KCNH2: variants seen among roughly 807,000 people sequenced by gnomAD.
KCNH2 encodes the protein voltage-gated inwardly rectifying potassium channel KCNH2.
In KCNH2, 35 loss-of-function variants were observed where a neutral mutation model predicts 95.9. The ratio of observed to expected loss-of-function variants is 0.37; its 90% CI spans 0.28 to 0.48. KCNH2 has a LOEUF of 0.48. KCNH2 is among the 20% of genes least tolerant of loss of function. The pLI is 0.99. For synonymous variants in KCNH2, 786 were observed against 754.7 expected, an observed-to-expected ratio of 1.04 and a Z score of -0.68; for missense variants, 1,274 against 1,702.9, an observed-to-expected ratio of 0.75 and a Z score of 4.43.
chr7:150,974,001 G>GGT (rs1180141325), intron 2 of KCNH2, among the ~76,000 whole-genome samples: 4 of 152,222 alleles, frequency 2.6e-5, no homozygotes, highest in Non-Finnish European at 4.4e-5. Context: ...GGGCATTCAC[G>GGT]GTGTGGGAGC....
intron 2 of KCNH2, among the ~76,000 whole-genome samples, chr7:150,969,625 CCATT>C (rs1399945418): frequency 1.3e-5 from 2 of 152,216 alleles, no homozygotes; most frequent in African/African-American, 4.8e-5. Flanking sequence ...ACTGCCCACC[CCATT>C]CATTCATTCA....
Position 150,947,204 on chromosome 7 carries a change from G to A in KCNH2, c.3152+124C>T, listed in dbSNP as rs1584842472. ...GTGTGGCAGCCCCCAGCTGGGCTAG[G>A]AATGGAAGAAGGGGATCCAGCTGCT... On this transcript the variant is annotated intron_variant, in intron 13 of 14. Transcript: ENST00000262186. 3 of 1,131,144 alleles carry A rather than the reference G, an allele frequency of 2.7e-6. No individual in the cohort carries two copies. The East Asian group carries it at 7.8e-5, about 29-fold the overall frequency. The allele number at this position is 1,131,144 out of a possible 1,614,324, so 70.1% of individuals were successfully genotyped here.
At position 150,957,353 on chromosome 7, in the gene KCNH2, G is replaced by A. The variant is rs772689518; in HGVS notation, c.1066C>T (p.Arg356Cys). ...TTTATCTTAGGTGCTATGATCTCAC[G>A]GTCACTGGTGGGCGAAGCCAAGAAG... ...DPFLASPTSD[R>C]EIIAPKIKER... The change falls in exon 5 of 15, where the codon CGT (arginine) becomes TGT (cysteine). Residue 356 changes from arginine to cysteine, a missense_variant. Coordinates refer to ENST00000262186, the MANE Select transcript of KCNH2 (RefSeq NM_000238.4). 1.4e-5 allele frequency: 23 copies of A among 1,612,516 alleles called. No individual in the cohort carries two copies. The highest frequency in any genetic ancestry group is 8.8e-5 in the South Asian group (8 of 90,752).
intron 2 of KCNH2, among the ~76,000 whole-genome samples, chr7:150,971,268 G>A (rs1431351812): frequency 6.6e-6 from 1 of 152,160 alleles, no homozygotes; most frequent in African/African-American, 2.4e-5. Context: ...TTCCAAGGCC[G>A]GGGACAGACC....
rs772037564 is a variant in KCNH2 at position 150,958,278 on chromosome 7, C to T, written c.697G>A (p.Ala233Thr). The part of the protein sequence containing the change: ...AGLGPAEERR[A>T]LVGPGSPPRS... ...GGCGGAGAGCCGGGACCCACCAGCG[C>T]ACGCCGCTCCTCCGCGGGCCCGAGC... Residue 233 changes from alanine to threonine, a missense_variant, in exon 4 of 15, where the codon GCG becomes ACG. Transcript: ENST00000262186. 8.9e-6 allele frequency: 13 copies of T among 1,457,292 alleles called. 1 individual carries two copies. Among genetic ancestry groups the T allele is most frequent in the African/African-American group, 1.5e-5 (1 of 67,976 alleles). The allele number at this position is 1,457,292 out of a possible 1,614,324, so 90.3% of individuals were successfully genotyped here. A position where few individuals can be genotyped will look rare whatever the true frequency, so the allele number is the denominator to read the frequency against.
chr7:150,946,977 G>A lies in KCNH2; in HGVS notation c.3230C>T (p.Ala1077Val). ...LQRQMTLVPPAYSAVTTPGPG... is the reference protein window; with the variant it reads ...LQRQMTLVPPVYSAVTTPGPG... ...CCCCGGGGTGGTCACAGCACTGTAGGCGGGCGGGACCAGCGTCATCTGCCT... is the reference window on the plus strand; with the variant it reads ...CCCCGGGGTGGTCACAGCACTGTAGACGGGCGGGACCAGCGTCATCTGCCT... The change falls in exon 14 of 15, where the codon GCC (alanine) becomes GTC (valine). Residue 1077 changes from alanine to valine, a missense_variant. Physicochemically the swap from Ala to Val is moderately conservative, Grantham distance 64. This residue lies in a region of KCNH2 where 457 missense variants were observed against 416.1 expected (regional missense o/e 1.10). Coordinates refer to ENST00000262186, the MANE Select transcript of KCNH2 (RefSeq NM_000238.4). The surrounding 1 kb of genome is among the most constrained non-coding windows in gnomAD (Gnocchi z 6.5). 1.9e-6 allele frequency: 3 copies of A among 1,610,316 alleles called. No homozygotes were observed. Among genetic ancestry groups the A allele is most frequent in the Non-Finnish European group, 2.5e-6 (3 of 1,177,382 alleles).
At chr7:150,950,147 T>TGGGGGG in intron 9 of KCNH2, 21 bp downstream of exon 9, 32 of 842,742 alleles carry the variant, frequency 3.8e-5, no homozygotes, top group Non-Finnish European at 4.6e-5. Context: ...TCCAGTCCAG[T>TGGGGGG]GCCCGCCCCC....
At position 150,961,130 on chromosome 7, in the gene KCNH2, C is replaced by T. The variant is rs189039336; in HGVS notation, c.308-1394G>A. Among the ~76,000 whole-genome samples, 18 of 152,228 alleles carry T rather than the reference C, an allele frequency of 1.2e-4. No individual in the cohort carries two copies. Among genetic ancestry groups the T allele is most frequent in the African/African-American group, 4.3e-4 (18 of 41,510 alleles). On this transcript the variant is annotated intron_variant, in intron 2 of 14. Transcript: ENST00000262186. This position sits in a 1 kb window ranked among gnomAD's most constrained non-coding sequence, Gnocchi z 6.2. ...CTGTCTTCTCTGCCTCCCAGTGTCTCCCGTCCCCACGTTAGTGCCTAGCAC... is the reference window on the plus strand; with the variant it reads ...CTGTCTTCTCTGCCTCCCAGTGTCTTCCGTCCCCACGTTAGTGCCTAGCAC...
chr7:150,951,322 G>T, intron 7 of KCNH2, 126 bp downstream of exon 7: 2 of 1,256,290 alleles, frequency 1.6e-6, no homozygotes, highest in South Asian at 1.2e-5. Context: ...ACCATGTCAC[G>T]ATGGTGGCCC....
chr7:150,949,022 A>G lies in KCNH2; in HGVS notation c.2426T>C (p.Leu809Pro). 1 of 1,614,220 alleles carries G rather than the reference A, an allele frequency of 6.2e-7. No homozygotes were observed. Among genetic ancestry groups the G allele is most frequent in the Non-Finnish European group, 8.5e-7 (1 of 1,180,026 alleles). Residue 809 changes from leucine (L) to proline (P), a missense_variant, in exon 10 of 15, where the codon CTG becomes CCG. Transcript: ENST00000262186. ...CTTGCCAGGCCTTGCATACAGGTTC[A>G]GAGGCTCCCCAAAGATGTCATTCTT... ...LGKNDIFGEP[L>P]NLYARPGKSN...
At chr7:150,955,490 G>C in intron 5 of KCNH2, 1 of 1,548,820 alleles carries the variant, frequency 6.5e-7, no homozygotes, top group Non-Finnish European at 8.7e-7. Flanking sequence ...CGCCTTCCCG[G>C]CTGGGGCCGC....
At chr7:150,974,178 C>G (rs1031574548) in intron 2 of KCNH2, among the ~76,000 whole-genome samples, 7 of 152,050 alleles carry the variant, frequency 4.6e-5, no homozygotes, top group African/African-American at 1.7e-4. Flanking sequence ...CGCACCTCCC[C>G]CAGGTGCTGC....
At chr7:150,955,256 G>T in intron 5 of KCNH2, 1 of 861,822 alleles carries the variant, frequency 1.2e-6, no homozygotes, top group Non-Finnish European at 1.9e-6. Flanking sequence ...GCGCGGGTGA[G>T]CAGGGCCAGG....
At position 150,959,625 on chromosome 7, in the gene KCNH2, G is replaced by A; in HGVS notation, c.419C>T (p.Ser140Phe). 3 of 1,614,110 alleles carry A rather than the reference G, an allele frequency of 1.9e-6. No homozygotes were observed. The highest frequency in any genetic ancestry group is 1.7e-6 in the Non-Finnish European group (2 of 1,180,012). ...CCGGTGGTTGGTGTCATGAGCCGGG[G>A]ACCCCACCATGTCCTTCTCCATCAC... Reference protein sequence around the residue: ...EVVMEKDMVGSPAHDTNHRGP... With the variant: ...EVVMEKDMVGFPAHDTNHRGP... The change falls in exon 3 of 15, where the codon TCC becomes TTC. Residue 140 changes from serine (S) to phenylalanine (F), a missense_variant. Transcript: ENST00000262186.
chr7:150,953,599 ACT>A (rs1297230008), intron 5 of KCNH2, among the ~76,000 whole-genome samples: 1 of 151,818 alleles, frequency 6.6e-6, no homozygotes, highest in African/African-American at 2.4e-5. Flanking sequence ...TCACACTCAC[ACT>A]CTGCCTCCTC....
Position 150,946,811 on chromosome 7 carries a change from A to G in KCNH2, c.3330+66T>C, listed in dbSNP as rs1374034306. On this transcript the variant is annotated intron_variant, in intron 14 of 14. Coordinates refer to ENST00000262186, the MANE Select transcript of KCNH2 (RefSeq NM_000238.4). The surrounding 1 kb of genome is among the most constrained non-coding windows in gnomAD (Gnocchi z 6.5). ...GAGCCCAGCAGAAAGGCAGCAAAGCAGGTTTGGGCTGGAATCGGGGAACAA... is the reference window on the plus strand; with the variant it reads ...GAGCCCAGCAGAAAGGCAGCAAAGCGGGTTTGGGCTGGAATCGGGGAACAA... 4 of 1,440,574 alleles carry G rather than the reference A, an allele frequency of 2.8e-6. No individual in the cohort carries two copies. The African/African-American group carries it at 5.6e-5, about 20-fold the overall frequency. The allele number at this position is 1,440,574 out of a possible 1,614,324, so 89.2% of individuals were successfully genotyped here. A position where few individuals can be genotyped will look rare whatever the true frequency, so the allele number is the denominator to read the frequency against.
Position 150,946,838 on chromosome 7 carries a change from C to G in KCNH2, c.3330+39G>C, listed in dbSNP as rs569278564. 1 of 1,558,780 alleles carries G rather than the reference C, an allele frequency of 6.4e-7. No individual in the cohort carries two copies. The stretch of plus-strand genomic sequence containing the variant: ...GTTTGGGCTGGAATCGGGGAACAAG[C>G]GGGTCACGGTACATCGAGGAAGCAG... On this transcript the variant is annotated intron_variant, in intron 14 of 14. Transcript: ENST00000262186. This position sits in a 1 kb window ranked among gnomAD's most constrained non-coding sequence, Gnocchi z 6.5.
intron 9 of KCNH2, 188 bp downstream of exon 9, chr7:150,949,980 C>T (rs976220044): frequency 5.2e-6 from 8 of 1,549,606 alleles, no homozygotes; most frequent in Non-Finnish European, 7.0e-6. Flanking sequence ...GTTCAGCAGC[C>T]TCACCCCACG....
At chr7:150,970,211 A>G in intron 2 of KCNH2, among the ~76,000 whole-genome samples, 1 of 151,926 alleles carries the variant, frequency 6.6e-6, no homozygotes, top group Middle Eastern at 3.2e-3. Flanking sequence ...AACCTCCAAA[A>G]TCACCCCACC....
Sources: allele counts gnomAD v4.1 joint callset (sites outside exome capture counted in the v4.1 genomes callset), GRCh38; gene constraint gnomAD v4.1.1; regional missense constraint gnomAD v4.1.1; non-coding constraint Gnocchi (gnomAD v3.1); transcripts MANE v1.5; gene names NCBI Gene and HGNC (gene_info 2026-07-23, HGNC 2026-07-21).